ADGRD1: variants seen among roughly 807,000 people sequenced by gnomAD.
ADGRD1 encodes the protein adhesion G protein-coupled receptor D1, also known as G-protein coupled receptor 133.
In ADGRD1, 77 loss-of-function variants were observed where a neutral mutation model predicts 113.4. That is an observed-to-expected ratio of 0.68 (90% confidence interval 0.57 to 0.82). ADGRD1 has a LOEUF of 0.82. ADGRD1 is among the 40% of genes least tolerant of loss of function. The pLI, the probability that ADGRD1 is intolerant of heterozygous loss-of-function variation, is 0.00. For missense variants in ADGRD1, 1,036 were observed against 1,139.1 expected (o/e 0.91, Z 1.30); for synonymous variants, 474 against 475.0 (o/e 1.00, Z 0.03).
intron 21 of ADGRD1, among the ~76,000 whole-genome samples, chr12:131,134,733 C>T (rs927189767): frequency 5.9e-5 from 9 of 152,262 alleles, no homozygotes; most frequent in African/African-American, 2.2e-4. Flanking sequence ...CCGCATCTCA[C>T]CTCCTCCGGG....
At chr12:131,065,064 C>A (rs1372498612) in intron 13 of ADGRD1, among the ~76,000 whole-genome samples, 2 of 152,234 alleles carry the variant, frequency 1.3e-5, no homozygotes, top group Non-Finnish European at 2.9e-5. Context: ...CTACTCCCTT[C>A]TCCACTCTCA....
intron 13 of ADGRD1, among the ~76,000 whole-genome samples, chr12:131,049,170 C>T (rs1367297903): frequency 6.6e-6 from 1 of 152,250 alleles, no homozygotes; most frequent in Admixed American, 6.5e-5. Flanking sequence ...GACCGAGTCC[C>T]TGGGGTCTCT....
chr12:131,002,977 C>T, intron 9 of ADGRD1: 3 of 718,794 alleles, frequency 4.2e-6, no homozygotes, highest in Middle Eastern at 4.2e-4. Flanking sequence ...ATGGGTCCAC[C>T]TGGGCTGTGT....
At chr12:130,990,807 G>A (rs553413385) in intron 6 of ADGRD1, 1 of 488,660 alleles carries the variant, frequency 2.0e-6, no homozygotes, top group South Asian at 3.2e-5. Flanking sequence ...AAATGGAAAA[G>A]TAATGTGACC....
intron 18 of ADGRD1, among the ~76,000 whole-genome samples, chr12:131,110,013 C>T (rs749200145): frequency 1.3e-5 from 2 of 152,208 alleles, no homozygotes; most frequent in South Asian, 4.1e-4. Context: ...TTAGTAGACT[C>T]GCTCCAGCTT....
chr12:131,000,513 G>A (rs371689344), intron 9 of ADGRD1, 71 bp downstream of exon 9: 15 of 1,213,640 alleles, frequency 1.2e-5, no homozygotes, highest in South Asian at 8.4e-5. Flanking sequence ...AGGCCAAGGC[G>A]GGTGGATCAC....
intron 21 of ADGRD1, 75 bp from the exon 22 acceptor site, chr12:131,135,962 G>A: frequency 4.6e-6 from 7 of 1,535,984 alleles, no homozygotes; most frequent in Non-Finnish European, 6.3e-6. Context: ...TGGAAGCCTG[G>A]CGTCTCGAGG....
intron 15 of ADGRD1, among the ~76,000 whole-genome samples, chr12:131,103,762 G>A (rs1325901536): frequency 1.3e-5 from 2 of 152,264 alleles, no homozygotes; most frequent in Non-Finnish European, 2.9e-5. Flanking sequence ...GGAGGACGGG[G>A]GGACGTGGGT....
At chr12:130,996,288 T>G (rs1180395836) in intron 8 of ADGRD1, among the ~76,000 whole-genome samples, 2 of 145,922 alleles carry the variant, frequency 1.4e-5, no homozygotes, top group Admixed American at 1.4e-4. Flanking sequence ...AATGAGCTGT[T>G]GGGTACACCT....
rs1039131861 is a variant in ADGRD1, at chr12:131,084,139, T to G, written c.1548-401T>G. Among the ~76,000 whole-genome samples the G allele has an allele frequency of 6.6e-6, 1 of 152,230 alleles. No homozygotes were observed. The highest frequency in any genetic ancestry group is 2.4e-5 in the African/African-American group (1 of 41,462). ...TGGGCATTTATGTTACCGTCACTCA[T>G]GATTCAGTGACTGGGCTTGAATGTG... On this transcript the variant is annotated intron_variant, in intron 14 of 24. Transcript: ENST00000261654. This position sits in a 1 kb window ranked among gnomAD's most constrained non-coding sequence, Gnocchi z 4.5.
chr12:130,961,936 A>T (rs1813393752), intron 2 of ADGRD1, among the ~76,000 whole-genome samples: 1 of 152,222 alleles, frequency 6.6e-6, no homozygotes, highest in African/African-American at 2.4e-5. Flanking sequence ...AGGAGGCACT[A>T]CTTAATTTAG....
intron 13 of ADGRD1, among the ~76,000 whole-genome samples, chr12:131,029,311 T>C (rs1229587757): frequency 1.3e-5 from 2 of 152,228 alleles, no homozygotes; most frequent in Non-Finnish European, 2.9e-5. Context: ...GACCCCAGCC[T>C]CTGTGCCTCC....
chr12:130,994,143 CG>C (rs1341311462), intron 8 of ADGRD1: 1 of 350,624 alleles, frequency 2.9e-6, no homozygotes, highest in Non-Finnish European at 6.0e-6. Context: ...GGAGCGCTTC[CG>C]GGCTCCGAAG....
chr12:131,019,395 G>T (rs1477464027), intron 13 of ADGRD1, among the ~76,000 whole-genome samples: 5 of 152,190 alleles, frequency 3.3e-5, no homozygotes, highest in South Asian at 4.1e-4. Context: ...GACGCCAGGG[G>T]TTTTCGACAC....
intron 15 of ADGRD1, among the ~76,000 whole-genome samples, chr12:131,101,133 G>A (rs1467992065): frequency 6.6e-6 from 1 of 152,024 alleles, no homozygotes; most frequent in African/African-American, 2.4e-5. Flanking sequence ...TATGGTGTCC[G>A]AGAGTGATAT....
intron 13 of ADGRD1, among the ~76,000 whole-genome samples, chr12:131,036,737 T>C (rs35222295): frequency 0.26 from 21,693 of 83,914 alleles, 2,666 homozygotes; most frequent in African/African-American, 0.34. Context: ...ACTCACTGCA[T>C]GGGGCCTCAC....
At chr12:131,014,421 C>T in intron 13 of ADGRD1, 81 bp downstream of exon 13, 1 of 1,291,784 alleles carries the variant, frequency 7.7e-7, no homozygotes, top group East Asian at 2.5e-5. Flanking sequence ...TGTGTGCTTG[C>T]ATAAAGAATC....
At chr12:130,976,255 G>A (rs1189737627) in intron 4 of ADGRD1, among the ~76,000 whole-genome samples, 1 of 152,128 alleles carries the variant, frequency 6.6e-6, no homozygotes, top group Non-Finnish European at 1.5e-5. Context: ...GGGGTCAGGG[G>A]GCTTGGAGGC....
intron 21 of ADGRD1, among the ~76,000 whole-genome samples, chr12:131,132,581 C>G (rs1950964619): frequency 6.6e-6 from 1 of 152,244 alleles, no homozygotes; most frequent in Non-Finnish European, 1.5e-5. Context: ...CCGAGGTCGA[C>G]TCTGCCCCCT....
Sources: allele counts gnomAD v4.1 joint callset (sites outside exome capture counted in the v4.1 genomes callset), GRCh38; gene constraint gnomAD v4.1.1; non-coding constraint Gnocchi (gnomAD v3.1); transcripts MANE v1.5; gene names NCBI Gene and HGNC (gene_info 2026-07-23, HGNC 2026-07-21).